The following KIF16B variants were observed in gnomAD, a reference collection of about 807,000 sequenced individuals.
The protein encoded by KIF16B is kinesin family member 16B.
A neutral mutation model predicts 156.3 loss-of-function variants in KIF16B; 98 were observed. The observed-to-expected ratio is 0.63, with a 90% CI of 0.53 to 0.74. KIF16B has a LOEUF of 0.74. KIF16B is among the 30% of genes least tolerant of loss of function. The pLI, the probability that KIF16B is intolerant of heterozygous loss-of-function variation, is 0.00. For missense variants in KIF16B, 1,421 were observed against 1,606.5 expected, an observed-to-expected ratio of 0.88 and a Z score of 1.97; for synonymous variants, 564 against 583.7, an observed-to-expected ratio of 0.97 and a Z score of 0.49.
intron 25 of KIF16B, among the ~76,000 whole-genome samples, chr20:16,274,242 C>T (rs762466142): frequency 6.6e-6 from 1 of 152,162 alleles, no homozygotes; most frequent in Non-Finnish European, 1.5e-5. Flanking sequence ...CTGATATTTA[C>T]AGATCTTTTT....
intron 25 of KIF16B, among the ~76,000 whole-genome samples, chr20:16,306,314 A>G (rs1442333355): frequency 6.6e-6 from 1 of 152,084 alleles, no homozygotes; most frequent in Non-Finnish European, 1.5e-5. Context: ...TCAGCCGGGG[A>G]CTTCACAGTG....
intron 24 of KIF16B, among the ~76,000 whole-genome samples, chr20:16,325,972 T>C (rs2063841135): frequency 6.6e-6 from 1 of 151,896 alleles, no homozygotes; most frequent in African/African-American, 2.4e-5. Context: ...CACAACAGAA[T>C]AGAGAACCCA....
At chr20:16,481,913 G>A (rs1359631095) in intron 12 of KIF16B, among the ~76,000 whole-genome samples, 8 of 152,166 alleles carry the variant, frequency 5.3e-5, no homozygotes, top group African/African-American at 9.7e-5. Context: ...ACCACTGTCA[G>A]CACTTTGCCT....
chr20:16,474,438 T>C (rs538121223), intron 12 of KIF16B, among the ~76,000 whole-genome samples: 1 of 152,242 alleles, frequency 6.6e-6, no homozygotes, highest in Admixed American at 6.5e-5. Context: ...ATGCTCAGGA[T>C]AGCCTCCTGC....
At chr20:16,497,800 T>C (rs944981740) in intron 10 of KIF16B, 122 bp from the exon 11 acceptor site, 12 of 683,290 alleles carry the variant, frequency 1.8e-5, no homozygotes, top group African/African-American at 3.6e-5. Context: ...AGCAATGTCC[T>C]ACACCCTGCC....
chr20:16,346,395 A>C (rs1170814580), intron 23 of KIF16B, among the ~76,000 whole-genome samples: 1 of 152,200 alleles, frequency 6.6e-6, no homozygotes, highest in African/African-American at 2.4e-5. Context: ...AAAATCTCAG[A>C]CACATTTCTA....
intron 12 of KIF16B, among the ~76,000 whole-genome samples, chr20:16,443,202 C>T (rs2066849440): frequency 6.6e-6 from 1 of 152,112 alleles, no homozygotes. Context: ...TTGTATTAAT[C>T]AAATATTCAC....
intron 12 of KIF16B, among the ~76,000 whole-genome samples, chr20:16,474,213 C>T (rs1313077647): frequency 6.6e-6 from 1 of 152,198 alleles, no homozygotes; most frequent in African/African-American, 2.4e-5. Context: ...AATATCTAAC[C>T]TGTTGACCAC....
intron 15 of KIF16B, among the ~76,000 whole-genome samples, chr20:16,410,165 A>T (rs112783386): frequency 6.9e-6 from 1 of 144,032 alleles, no homozygotes; most frequent in Non-Finnish European, 1.5e-5. Flanking sequence ...ACATATATGT[A>T]GGTACATATA....
At chr20:16,533,419 C>T (rs1241659060) in intron 1 of KIF16B, among the ~76,000 whole-genome samples, 1 of 152,106 alleles carries the variant, frequency 6.6e-6, no homozygotes, top group African/African-American at 2.4e-5. Context: ...TTCTGATGAA[C>T]GTTAAAATTT....
intron 17 of KIF16B, among the ~76,000 whole-genome samples, chr20:16,392,441 T>C (rs1400622411): frequency 6.6e-6 from 1 of 152,058 alleles, no homozygotes; most frequent in Non-Finnish European, 1.5e-5. Flanking sequence ...CTGTGCACAT[T>C]TGTGGGTAGA....
At chr20:16,383,948 C>T (rs6034465) in intron 17 of KIF16B, among the ~76,000 whole-genome samples, 31,857 of 152,060 alleles carry the variant, frequency 0.21, 3,846 homozygotes, top group East Asian at 0.6. Context: ...GTTTGACAGT[C>T]GGCATGCCCT....
At chr20:16,542,658 T>C (rs537947978) in intron 1 of KIF16B, among the ~76,000 whole-genome samples, 23 of 151,956 alleles carry the variant, frequency 1.5e-4, no homozygotes, top group African/African-American at 5.3e-4. Flanking sequence ...AGCCAGAGAC[T>C]TTGGGGGAAG....
At chr20:16,408,415 C>G (rs1418647225) in intron 15 of KIF16B, among the ~76,000 whole-genome samples, 2 of 152,070 alleles carry the variant, frequency 1.3e-5, no homozygotes, top group East Asian at 3.9e-4. Context: ...GTTTCCCATG[C>G]CTTTTACGAC....
At chr20:16,456,638 T>C (rs962518524) in intron 12 of KIF16B, among the ~76,000 whole-genome samples, 1 of 152,066 alleles carries the variant, frequency 6.6e-6, no homozygotes, top group East Asian at 1.9e-4. Context: ...ACATAAGTGG[T>C]AAATAGTGTA....
chr20:16,520,936 G>T (rs1183182371), intron 3 of KIF16B, among the ~76,000 whole-genome samples: 1 of 152,108 alleles, frequency 6.6e-6, no homozygotes, highest in Non-Finnish European at 1.5e-5. Flanking sequence ...GCAGCAGAGG[G>T]GCCTGACTGT....
chr20:16,430,598 A>G (rs6111115), intron 12 of KIF16B, among the ~76,000 whole-genome samples: 17 of 151,974 alleles, frequency 1.1e-4, no homozygotes, highest in Non-Finnish European at 2.4e-4. Context: ...ACTACCTCCA[A>G]AAAGTTCCCT....
At chr20:16,446,375 T>C (rs1357329501) in intron 12 of KIF16B, among the ~76,000 whole-genome samples, 3 of 152,226 alleles carry the variant, frequency 2.0e-5, no homozygotes, top group South Asian at 2.1e-4. Flanking sequence ...ATTAATCTAA[T>C]GAACCGGCTG....
At chr20:16,341,449 G>A (rs1487672143) in intron 23 of KIF16B, among the ~76,000 whole-genome samples, 2 of 152,000 alleles carry the variant, frequency 1.3e-5, no homozygotes, top group African/African-American at 4.8e-5. Context: ...TGACAGAGAG[G>A]GGACTCTCTG....
Sources: allele counts gnomAD v4.1 joint callset (sites outside exome capture counted in the v4.1 genomes callset), GRCh38; gene constraint gnomAD v4.1.1; transcripts MANE v1.5; gene names NCBI Gene and HGNC (gene_info 2026-07-23, HGNC 2026-07-21).